CNTNAP2: variants seen among roughly 807,000 people sequenced by gnomAD.
CNTNAP2 encodes contactin associated protein 2.
CNTNAP2 carries 98 observed loss-of-function variants against 155.2 expected under a neutral mutation model. That is an observed-to-expected ratio of 0.63 (90% CI 0.54 to 0.75). CNTNAP2 has a LOEUF of 0.75. CNTNAP2 is among the 30% of genes least tolerant of loss of function. The pLI, the probability that CNTNAP2 is intolerant of heterozygous loss-of-function variation, is 0.00. For synonymous variants in CNTNAP2, 651 were observed against 631.2 expected (o/e 1.03, Z -0.47); for missense variants, 1,727 against 1,688.1 (o/e 1.02, Z -0.40).
intron 13 of CNTNAP2, among the ~76,000 whole-genome samples, chr7:147,897,401 C>T (rs1302110980): frequency 6.6e-6 from 1 of 152,102 alleles, no homozygotes; most frequent in African/African-American, 2.4e-5. Flanking sequence ...CCTTTAACTC[C>T]ACTTTTACAG....
At chr7:146,545,322 A>C (rs1461474409) in intron 1 of CNTNAP2, among the ~76,000 whole-genome samples, 4 of 151,982 alleles carry the variant, frequency 2.6e-5, no homozygotes, top group Non-Finnish European at 5.9e-5. Flanking sequence ...ACACAAAAAA[A>C]CAAAAACTGA....
chr7:147,891,187 A>G (rs944378705), intron 13 of CNTNAP2, among the ~76,000 whole-genome samples: 1 of 150,372 alleles, frequency 6.7e-6, no homozygotes, highest in African/African-American at 2.5e-5. Flanking sequence ...ACCATACAGT[A>G]GGTAAAAATC....
chr7:147,361,506 CCTTAT>C (rs1796147129), intron 9 of CNTNAP2, among the ~76,000 whole-genome samples: 1 of 152,074 alleles, frequency 6.6e-6, no homozygotes, highest in Admixed American at 6.6e-5. Context: ...AAGAGTTATG[CCTTAT>C]CTTCTCACTA....
intron 9 of CNTNAP2, among the ~76,000 whole-genome samples, chr7:147,374,607 G>A (rs1796403521): frequency 6.6e-6 from 1 of 152,032 alleles, no homozygotes; most frequent in East Asian, 1.9e-4. Context: ...TTGGCTGATG[G>A]ATTTATTAAA....
intron 13 of CNTNAP2, among the ~76,000 whole-genome samples, chr7:147,809,938 A>T (rs1007126377): frequency 1.3e-5 from 2 of 151,968 alleles, no homozygotes; most frequent in African/African-American, 4.8e-5. Flanking sequence ...CTTGGCTTCA[A>T]CTCATATTGA....
intron 21 of CNTNAP2, among the ~76,000 whole-genome samples, chr7:148,329,778 T>C (rs1267463436): frequency 6.6e-6 from 1 of 152,210 alleles, no homozygotes; most frequent in Non-Finnish European, 1.5e-5. Context: ...GGGACGTTCT[T>C]TATCCAGCCT....
At chr7:147,470,435 A>G (rs1266274879) in intron 10 of CNTNAP2, among the ~76,000 whole-genome samples, 2 of 144,882 alleles carry the variant, frequency 1.4e-5, no homozygotes, top group African/African-American at 5.2e-5. Context: ...TGGTAGCTAC[A>G]ATAGCGTCTT....
At chr7:147,050,986 G>T (rs2129258487) in intron 4 of CNTNAP2, among the ~76,000 whole-genome samples, 1 of 151,904 alleles carries the variant, frequency 6.6e-6, no homozygotes, top group South Asian at 2.1e-4. Flanking sequence ...TTTTGTCTGT[G>T]TCTCTGTGTC....
At chr7:147,487,299 T>C (rs1798526794) in intron 11 of CNTNAP2, among the ~76,000 whole-genome samples, 1 of 152,160 alleles carries the variant, frequency 6.6e-6, no homozygotes, top group Non-Finnish European at 1.5e-5. Context: ...ATTCATTATC[T>C]GTGTTTACAT....
chr7:147,278,535 G>GA (rs1277180537), intron 8 of CNTNAP2, among the ~76,000 whole-genome samples: 12 of 151,562 alleles, frequency 7.9e-5, no homozygotes, highest in Non-Finnish European at 1.3e-4. Context: ...AGATGTAAAA[G>GA]AAAAAAGTCT....
At chr7:147,120,663 G>A in intron 5 of CNTNAP2, among the ~76,000 whole-genome samples, 1 of 148,274 alleles carries the variant, frequency 6.7e-6, no homozygotes, top group East Asian at 2.0e-4. Context: ...TTAAGTTTTA[G>A]GGTACATGTG....
In CNTNAP2 at chr7:147,081,583, T is replaced by TTGTGTGTGTGTGTGTGTGTG. The variant is rs5888236; in HGVS notation, c.551-26538_551-26519dup. The TTGTGTGTGTGTGTGTGTGTG allele has an allele frequency of 2.3e-5, 3 of 128,238 alleles. No individual in the cohort carries two copies. The Admixed American group carries it at 2.5e-4, about 11-fold the overall frequency. 7.9% of individuals were successfully genotyped at this position (128,238 alleles called of 1,614,324 possible). A position where few individuals can be genotyped will look rare whatever the true frequency, so the allele number is the denominator to read the frequency against. On this transcript the variant is annotated intron_variant, in intron 4 of 23. Transcript: ENST00000361727. The stretch of plus-strand genomic sequence containing the variant: ...AGGCGCACCACCACACCCGGCTAAT[T>TTGTGTGTGTGTGTGTGTGTG]TGTGTGTGTGTGTGTGTGTGTGTGT...
intron 10 of CNTNAP2, among the ~76,000 whole-genome samples, chr7:147,436,362 A>C: frequency 6.6e-6 from 1 of 152,182 alleles, no homozygotes; most frequent in East Asian, 1.9e-4. Flanking sequence ...AGAAATTTTA[A>C]ATTTCAGTTA....
At chr7:146,965,825 T>C (rs1797647231) in intron 3 of CNTNAP2, among the ~76,000 whole-genome samples, 1 of 152,188 alleles carries the variant, frequency 6.6e-6, no homozygotes, top group South Asian at 2.1e-4. Context: ...GGTCGCACAC[T>C]TTTGAGTACA....
At chr7:147,814,021 A>G (rs1000342524) in intron 13 of CNTNAP2, among the ~76,000 whole-genome samples, 9 of 152,176 alleles carry the variant, frequency 5.9e-5, no homozygotes, top group African/African-American at 2.2e-4. Flanking sequence ...GGCACTTTTT[A>G]AATGTTCTCG....
At chr7:146,243,027 A>G (rs1392579566) in intron 1 of CNTNAP2, among the ~76,000 whole-genome samples, 2 of 151,554 alleles carry the variant, frequency 1.3e-5, no homozygotes, top group East Asian at 1.9e-4. Context: ...GGATGTTTCT[A>G]TTTTTGAAAT....
intron 1 of CNTNAP2, among the ~76,000 whole-genome samples, chr7:146,630,441 CAT>C (rs35378283): frequency 0.46 from 69,157 of 151,758 alleles, 16,213 homozygotes; most frequent in South Asian, 0.54. Context: ...CTGTGATAAA[CAT>C]GTGTGTGCAT....
At chr7:147,014,157 C>T (rs1207805571) in intron 3 of CNTNAP2, among the ~76,000 whole-genome samples, 1 of 152,076 alleles carries the variant, frequency 6.6e-6, no homozygotes, top group African/African-American at 2.4e-5. Flanking sequence ...TGTATGCTGT[C>T]TATGCTCATT....
chr7:148,040,049 G>A (rs754107922), intron 15 of CNTNAP2, among the ~76,000 whole-genome samples: 3 of 152,104 alleles, frequency 2.0e-5, no homozygotes, highest in Non-Finnish European at 4.4e-5. Context: ...ATATAAATTA[G>A]AACTTGTTAG....
Sources: allele counts gnomAD v4.1 joint callset (sites outside exome capture counted in the v4.1 genomes callset), GRCh38; gene constraint gnomAD v4.1.1; transcripts MANE v1.5; gene names NCBI Gene and HGNC (gene_info 2026-07-23, HGNC 2026-07-21).